Variants in ZIM2 observed in about 807,000 individuals in gnomAD.
ZIM2 encodes zinc finger protein 656.
ZIM2 carries 14 observed loss-of-function variants against 38.6 expected under a neutral mutation model. The observed-to-expected ratio is 0.36, with a 90% CI of 0.24 to 0.57. ZIM2 has a LOEUF of 0.57. Among genes scored for constraint, ZIM2 ranks in the 20% least tolerant of loss-of-function variants. ZIM2 has a pLI of 0.81. For synonymous variants in ZIM2, 247 were observed against 245.8 expected, an observed-to-expected ratio of 1.00 and a Z score of -0.04; for missense variants, 680 against 695.1, an observed-to-expected ratio of 0.98 and a Z score of 0.24.
rs957065409 is a variant in ZIM2 at position 56,840,084 on chromosome 19, G to A, written c.-314+498C>T. On this transcript the variant is annotated intron_variant, in intron 1 of 12. Coordinates refer to ENST00000629319, the MANE Select transcript of ZIM2 (RefSeq NM_001387356.1). Reference sequence around the variant, plus strand: ...GGCGCCGCGAGGCCGATGGCACCCCGCAGGAAGGGGCATTTTCGCAGCCCC... The same window carrying A: ...GGCGCCGCGAGGCCGATGGCACCCCACAGGAAGGGGCATTTTCGCAGCCCC... 3.3e-5 allele frequency among the ~76,000 whole-genome samples: 5 copies of A among 152,328 alleles called. No individual in the cohort carries two copies. In the East Asian group the frequency reaches 7.8e-4, roughly 24 times the overall value.
intron 1 of ZIM2, 98 bp downstream of exon 1, chr19:56,840,484 C>T (rs1191951849): frequency 6.6e-6 from 1 of 152,252 alleles, no homozygotes; most frequent in Non-Finnish European, 1.5e-5. Flanking sequence ...GCCGCGGGGT[C>T]TTGGGCTTGC....
intron 12 of ZIM2, 56 bp downstream of exon 12, chr19:56,779,321 G>A: frequency 6.3e-7 from 1 of 1,585,064 alleles, no homozygotes; most frequent in South Asian, 1.1e-5. Context: ...AAAGCTCTCT[G>A]ACTAGCATTT....
At chr19:56,798,863 A>C (rs1343521721) in intron 9 of ZIM2, 1 of 152,160 alleles carries the variant, frequency 6.6e-6, no homozygotes, top group East Asian at 1.9e-4. Flanking sequence ...TTTTTAAAAA[A>C]GCTCAACACC....
intron 10 of ZIM2, among the ~76,000 whole-genome samples, chr19:56,783,592 G>A (rs772448478): frequency 3.9e-5 from 6 of 152,154 alleles, no homozygotes; most frequent in Non-Finnish European, 2.9e-5. Flanking sequence ...CAAATACCAC[G>A]TGTTCTCACT....
At chr19:56,840,236 C>A (rs546442236) in intron 1 of ZIM2, among the ~76,000 whole-genome samples, 25 of 152,336 alleles carry the variant, frequency 1.6e-4, no homozygotes, top group Non-Finnish European at 2.6e-4. Flanking sequence ...CTAATGCCCC[C>A]GGTTTGCTGC....
chr19:56,814,714 T>C lies in ZIM2; in HGVS notation c.490+3032A>G, dbSNP rs1463496522. On this transcript the variant is annotated intron_variant, in intron 9 of 12. Transcript: ENST00000629319. The surrounding 1 kb of genome is among the most constrained non-coding windows in gnomAD (Gnocchi z 5.8). ...ATCATCTTCCCTATGAAGTCTCATATGCTCATTAAGGGCAGAGCTATGAAT... is the reference window on the plus strand; with the variant it reads ...ATCATCTTCCCTATGAAGTCTCATACGCTCATTAAGGGCAGAGCTATGAAT... 1.2e-6 allele frequency: 2 copies of C among 1,614,106 alleles called. No homozygotes were observed. The highest frequency in any genetic ancestry group is 1.7e-5 in the Admixed American group (1 of 60,032).
chr19:56,817,599 G>A (rs367558131), intron 9 of ZIM2, 147 bp downstream of exon 9: 1 of 1,567,866 alleles, frequency 6.4e-7, no homozygotes, highest in Non-Finnish European at 8.7e-7. Context: ...AACCCCAAAT[G>A]TAAATACTCC....
At chr19:56,827,761 A>G (rs1347793019) in intron 2 of ZIM2, among the ~76,000 whole-genome samples, 1 of 152,206 alleles carries the variant, frequency 6.6e-6, no homozygotes, top group African/African-American at 2.4e-5. Flanking sequence ...AAATAAGGCA[A>G]CTCTAAATAA....
chr19:56,809,338 G>T (rs2146045687), intron 9 of ZIM2, among the ~76,000 whole-genome samples: 1 of 152,276 alleles, frequency 6.6e-6, no homozygotes, highest in African/African-American at 2.4e-5. Flanking sequence ...TATATCTTAA[G>T]AACAAAATCC....
At chr19:56,803,937 A>G (rs923198501) in intron 9 of ZIM2, among the ~76,000 whole-genome samples, 1 of 152,234 alleles carries the variant, frequency 6.6e-6, no homozygotes, top group African/African-American at 2.4e-5. Context: ...CTTTTCCTAA[A>G]AACAGTTGCA....
intron 9 of ZIM2, chr19:56,816,514 T>C (rs751438047): frequency 1.2e-6 from 2 of 1,613,480 alleles, no homozygotes; most frequent in Admixed American, 3.3e-5. Flanking sequence ...CTGATGTTCT[T>C]TCAGGGATGA....
chr19:56,829,469 G>A (rs1317766219), intron 2 of ZIM2, among the ~76,000 whole-genome samples: 2 of 152,184 alleles, frequency 1.3e-5, no homozygotes, highest in Admixed American at 6.5e-5. Flanking sequence ...TTTACACATG[G>A]AATGGTGGGA....
rs754258890 is a variant in ZIM2 at position 56,823,605 on chromosome 19, C to T, written c.91G>A (p.Val31Ile). 1 of 1,614,140 alleles carries T rather than the reference C, an allele frequency of 6.2e-7. No homozygotes were observed. Among genetic ancestry groups the T allele is most frequent in the Admixed American group, 1.7e-5 (1 of 60,024 alleles). The change falls in exon 5 of 13, where the codon GTC becomes ATC. Residue 31 changes from valine to isoleucine, a missense_variant. Physicochemically the swap from Val to Ile is conservative, Grantham distance 29. Transcript: ENST00000629319. ...GGGTACTCACCACTGAAAGAATGGA[C>T]TGAGTGAGGTGGTGAGGACTCTCTT... is the stretch of plus-strand genomic sequence containing the variant. Reference protein sequence around the residue: ...NRRESSPPHSVHSFSGDRDWD... With the variant: ...NRRESSPPHSIHSFSGDRDWD...
chr19:56,824,063 G>A (rs1026912779), intron 4 of ZIM2, among the ~76,000 whole-genome samples, 199 bp downstream of exon 4: 1 of 152,148 alleles, frequency 6.6e-6, no homozygotes, highest in African/African-American at 2.4e-5. Flanking sequence ...GGATACCTGG[G>A]CATGTGTGGA....
intron 9 of ZIM2, chr19:56,813,865 G>C: frequency 6.2e-7 from 1 of 1,614,174 alleles, no homozygotes; most frequent in South Asian, 1.1e-5. Flanking sequence ...GCTGGCATGA[G>C]TTTTCAGGTG....
intron 10 of ZIM2, among the ~76,000 whole-genome samples, chr19:56,783,492 G>T (rs779672005): frequency 6.6e-6 from 1 of 152,098 alleles, no homozygotes; most frequent in African/African-American, 2.4e-5. Flanking sequence ...GAACAAAATC[G>T]TGTCCTCTGC....
chr19:56,811,005 AC>A (rs2059501615), intron 9 of ZIM2: 1 of 974,054 alleles, frequency 1.0e-6, no homozygotes, highest in South Asian at 4.8e-5. Context: ...TTTTGAATAT[AC>A]ATTTTGACAC....
At chr19:56,818,826 G>A in intron 7 of ZIM2, 124 bp from the exon 8 acceptor site, 2 of 1,100,218 alleles carry the variant, frequency 1.8e-6, no homozygotes, top group Admixed American at 2.1e-5. Flanking sequence ...CGGTATTGGG[G>A]TTCTGAGTGA....
chr19:56,828,706 G>A (rs1482435700), intron 2 of ZIM2, among the ~76,000 whole-genome samples: 2 of 152,112 alleles, frequency 1.3e-5, no homozygotes, highest in African/African-American at 4.8e-5. Context: ...AAAGGCTTTT[G>A]GCATTAGGAA....
Sources: allele counts gnomAD v4.1 joint callset (sites outside exome capture counted in the v4.1 genomes callset), GRCh38; gene constraint gnomAD v4.1.1; non-coding constraint Gnocchi (gnomAD v3.1); transcripts MANE v1.5; gene names NCBI Gene and HGNC (gene_info 2026-07-23, HGNC 2026-07-21).